ONECUT3: variants seen among roughly 807,000 people sequenced by gnomAD.
ONECUT3 encodes the protein one cut domain family member 3.
In ONECUT3, 11 loss-of-function variants were observed where a neutral mutation model predicts 16.8. The ratio of observed to expected loss-of-function variants is 0.66; its 90% CI spans 0.41 to 1.09. ONECUT3 has a LOEUF of 1.09. Ranked by LOEUF, ONECUT3 falls within the 50% of genes least tolerant of loss-of-function variation. ONECUT3 has a pLI of 0.00. For missense variants in ONECUT3, 637 were observed against 629.9 expected, an observed-to-expected ratio of 1.01 and a Z score of -0.12; for synonymous variants, 344 against 310.7, an observed-to-expected ratio of 1.11 and a Z score of -1.13.
chr19:1,770,239 A>G (rs2068041548), intron 1 of ONECUT3, among the ~76,000 whole-genome samples: 1 of 152,176 alleles, frequency 6.6e-6, no homozygotes, highest in Non-Finnish European at 1.5e-5. Flanking sequence ...CAAACAAACA[A>G]AAAACATATA....
In ONECUT3 at chr19:1,766,872, C is replaced by G. The variant is rs1389293273; in HGVS notation, c.1193-8281C>G. Among the ~76,000 whole-genome samples, 1 of 152,092 alleles carries G rather than the reference C, an allele frequency of 6.6e-6. No homozygotes were observed. The highest frequency in any genetic ancestry group is 1.5e-5 in the Non-Finnish European group (1 of 68,000). On this transcript the variant is annotated intron_variant, in intron 1 of 1. Transcript: ENST00000382349. The surrounding 1 kb of genome is among the most constrained non-coding windows in gnomAD (Gnocchi z 4.0). Reference sequence around the variant, plus strand: ...CCAGGAACATGTTAGTCACTGCACACTCACTCAGCCACTGCTATACCTCCG... The same window carrying G: ...CCAGGAACATGTTAGTCACTGCACAGTCACTCAGCCACTGCTATACCTCCG...
Position 1,754,830 on chromosome 19 carries a change from C to A in ONECUT3, c.1168C>A (p.Arg390Ser). ...GTGGCTGCAGGAGCCAGAGTTCCAG[C>A]GCATGTCGGCGCTGCGCTTGGCAGG... is the stretch of plus-strand genomic sequence containing the variant. ...WKWLQEPEFQ[R>S]MSALRLAACK... The change falls in exon 1 of 2, where the codon CGC becomes AGC. Residue 390 changes from arginine (R) to serine (S), a missense_variant. This residue lies in a region of ONECUT3 where 183 missense variants were observed against 188.3 expected (regional missense o/e 0.97). Transcript: ENST00000382349. This position sits in a 1 kb window ranked among gnomAD's most constrained non-coding sequence, Gnocchi z 7.4. The A allele has an allele frequency of 6.6e-7, 1 of 1,524,984 alleles. No individual in the cohort carries two copies. Among genetic ancestry groups the A allele is most frequent in the Non-Finnish European group, 8.8e-7 (1 of 1,134,418 alleles). 94.5% of individuals were successfully genotyped at this position (1,524,984 alleles called of 1,614,324 possible).
chr19:1,773,867 G>C (rs536950496), intron 1 of ONECUT3, among the ~76,000 whole-genome samples: 1 of 152,184 alleles, frequency 6.6e-6, no homozygotes, highest in African/African-American at 2.4e-5. Context: ...TGAGGGGAGG[G>C]GTTCACTTCG....
chr19:1,758,182 C>CA lies in ONECUT3; in HGVS notation c.1192+3332dup, dbSNP rs1387356708. ...GGAGAGAGAGGGAGGGGTCGCGAGA[C>CA]AAAACCAGAGAGTGGGGAGGGAGAG... On this transcript the variant is annotated intron_variant, in intron 1 of 1. Coordinates refer to ENST00000382349, the MANE Select transcript of ONECUT3 (RefSeq NM_001080488.2). This position sits in a 1 kb window ranked among gnomAD's most constrained non-coding sequence, Gnocchi z 5.9. Among the ~76,000 whole-genome samples, 1 of 150,346 alleles carries CA rather than the reference C, an allele frequency of 6.7e-6. No homozygotes were observed. Among genetic ancestry groups the CA allele is most frequent in the Non-Finnish European group, 1.5e-5 (1 of 67,794 alleles).
Position 1,777,441 on chromosome 19 carries a change from GACGCACACAGAGACACACATGC to G in ONECUT3, c.*1998_*2019del, listed in dbSNP as rs1332173958. 5 of 84,056 alleles carry G rather than the reference GACGCACACAGAGACACACATGC, an allele frequency of 5.9e-5. No homozygotes were observed. The highest frequency in any genetic ancestry group is 2.0e-4 in the African/African-American group (4 of 20,276). The allele number at this position is 84,056 out of a possible 1,614,324, so 5.2% of individuals were successfully genotyped here. A position where few individuals can be genotyped will look rare whatever the true frequency, so the allele number is the denominator to read the frequency against. Reference sequence around the variant, plus strand: ...AAAGACACGCATGCAGGCACACGCAGACGCACACAGAGACACACATGCAGATACACATGCACACACACATACA... The same window carrying G: ...AAAGACACGCATGCAGGCACACGCAGAGATACACATGCACACACACATACA... On this transcript the variant is annotated 3_prime_UTR_variant, in exon 2 of 2. Coordinates refer to ENST00000382349, the MANE Select transcript of ONECUT3 (RefSeq NM_001080488.2).
At position 1,775,655 on chromosome 19, in the gene ONECUT3, T is replaced by G; in HGVS notation, c.*210T>G. The G allele has an allele frequency of 2.3e-5, 9 of 397,652 alleles. No individual in the cohort carries two copies. Among genetic ancestry groups the G allele is most frequent in the Non-Finnish European group, 3.4e-5 (8 of 232,614 alleles). 24.6% of individuals were successfully genotyped at this position (397,652 alleles called of 1,614,324 possible). On this transcript the variant is annotated 3_prime_UTR_variant, in exon 2 of 2. Transcript: ENST00000382349. ...CCCCCCTTCCTCCCTCCATGCCCAC[T>G]CCCTCCAGGCCAAAGGAAGCCCTCC...
chr19:1,762,862 A>C lies in ONECUT3; in HGVS notation c.1192+8008A>C, dbSNP rs1475206926. Among the ~76,000 whole-genome samples, 1 of 152,102 alleles carries C rather than the reference A, an allele frequency of 6.6e-6. No homozygotes were observed. The highest frequency in any genetic ancestry group is 2.4e-5 in the African/African-American group (1 of 41,428). On this transcript the variant is annotated intron_variant, in intron 1 of 1. Coordinates refer to ENST00000382349, the MANE Select transcript of ONECUT3 (RefSeq NM_001080488.2). The surrounding 1 kb of genome is among the most constrained non-coding windows in gnomAD (Gnocchi z 4.4). ...CTCAGCTCCAGCGCAGTGGGAGGAC[A>C]AGACACGTTCCTCCTCCCCTCCTCC...
At position 1,776,303 on chromosome 19, in the gene ONECUT3, C is replaced by G. The variant is rs1340543976; in HGVS notation, c.*858C>G. 1 of 152,296 alleles carries G rather than the reference C, an allele frequency of 6.6e-6. No individual in the cohort carries two copies. Among genetic ancestry groups the G allele is most frequent in the Non-Finnish European group, 1.5e-5 (1 of 68,108 alleles). 9.4% of individuals were successfully genotyped at this position (152,296 alleles called of 1,614,324 possible). ...TGGAGCGCAAGGAAGGACGCAGCTC[C>G]GGACACGGGAGACCACGCCCAGGCT... On this transcript the variant is annotated 3_prime_UTR_variant, in exon 2 of 2. Transcript: ENST00000382349. This position sits in a 1 kb window ranked among gnomAD's most constrained non-coding sequence, Gnocchi z 4.9.
In ONECUT3 at chr19:1,777,355, C is replaced by T; in HGVS notation, c.*1910C>T. 6.6e-6 allele frequency: 1 copy of T among 151,984 alleles called. No homozygotes were observed. The highest frequency in any genetic ancestry group is 1.5e-5 in the Non-Finnish European group (1 of 67,910). The allele number at this position is 151,984 out of a possible 1,614,324, so 9.4% of individuals were successfully genotyped here. A position where few individuals can be genotyped will look rare whatever the true frequency, so the allele number is the denominator to read the frequency against. On this transcript the variant is annotated 3_prime_UTR_variant, in exon 2 of 2. Transcript: ENST00000382349. The stretch of plus-strand genomic sequence containing the variant: ...GCAGGCACTCACATGCAGGCCCATG[C>T]ACACACACGTGCACACACATGCAGA...
rs928890476 is a variant in ONECUT3 at position 1,756,793 on chromosome 19, C to G, written c.1192+1939C>G. On this transcript the variant is annotated intron_variant, in intron 1 of 1. Coordinates refer to ENST00000382349, the MANE Select transcript of ONECUT3 (RefSeq NM_001080488.2). ...AAACTCCTGACCTCAGGTGATCCGC[C>G]CGCTTCTGCCTCCCAAAGTGCTGGG... is the stretch of plus-strand genomic sequence containing the variant. 3.3e-4 allele frequency among the ~76,000 whole-genome samples: 50 copies of G among 150,692 alleles called. 1 individual carries two copies. Among genetic ancestry groups the G allele is most frequent in the African/African-American group, 1.2e-3 (49 of 40,822 alleles).
At position 1,754,271 on chromosome 19, in the gene ONECUT3, C is replaced by T; in HGVS notation, c.609C>T (p.Pro203=). ...TGGGGTCGCCGCTGTCGCCGCTGCC[C>T]AACGCGCTGCCGCCCGCGCTGCACG... ...PAMGSPLSPL[P]NALPPALHGA... Residue 203 remains proline, a synonymous_variant, in exon 1 of 2, where the codon CCC becomes CCT. Transcript: ENST00000382349. This position sits in a 1 kb window ranked among gnomAD's most constrained non-coding sequence, Gnocchi z 7.4. 9.4e-7 allele frequency: 1 copy of T among 1,061,386 alleles called. No individual in the cohort carries two copies. The highest frequency in any genetic ancestry group is 1.1e-6 in the Non-Finnish European group (1 of 882,606). The allele number at this position is 1,061,386 out of a possible 1,614,324, so 65.7% of individuals were successfully genotyped here.
chr19:1,754,777 G>C lies in ONECUT3; in HGVS notation c.1115G>C (p.Gly372Ala), dbSNP rs2067907880. ...AAGCCGTGGAGCAAGCTCAAATCCG[G>C]CCGCGAGACCTTCCGCAGGATGTGG... The part of the protein sequence containing the change: ...NPKPWSKLKS[G>A]RETFRRMWKW... The change falls in exon 1 of 2, where the codon GGC becomes GCC. Residue 372 changes from glycine (G) to alanine (A), a missense_variant. By Grantham distance (60) the Gly-to-Ala change is moderately conservative. Coordinates refer to ENST00000382349, the MANE Select transcript of ONECUT3 (RefSeq NM_001080488.2). This position sits in a 1 kb window ranked among gnomAD's most constrained non-coding sequence, Gnocchi z 7.4. 1 of 1,565,744 alleles carries C rather than the reference G, an allele frequency of 6.4e-7. No individual in the cohort carries two copies. The highest frequency in any genetic ancestry group is 1.8e-5 in the Admixed American group (1 of 54,676).
intron 1 of ONECUT3, among the ~76,000 whole-genome samples, chr19:1,760,760 C>T (rs1179990708): frequency 2.0e-5 from 3 of 152,262 alleles, no homozygotes; most frequent in South Asian, 4.1e-4. Context: ...CAACGCCAGC[C>T]TCGGTCCCAA....
chr19:1,756,942 C>T (rs1220049944), intron 1 of ONECUT3, among the ~76,000 whole-genome samples: 1 of 152,210 alleles, frequency 6.6e-6, no homozygotes, highest in Non-Finnish European at 1.5e-5. Context: ...CCTGCCTCCT[C>T]TCTAGCACAT....
chr19:1,768,443 G>A (rs1378732627), intron 1 of ONECUT3, among the ~76,000 whole-genome samples: 1 of 152,138 alleles, frequency 6.6e-6, no homozygotes, highest in African/African-American at 2.4e-5. Flanking sequence ...GGAAGGACTG[G>A]CCTGCACCGG....
Position 1,775,410 on chromosome 19 carries a change from C to T in ONECUT3, c.1450C>T (p.Pro484Ser). 6.5e-7 allele frequency: 1 copy of T among 1,529,084 alleles called. No individual in the cohort carries two copies. The highest frequency in any genetic ancestry group is 2.6e-5 in the East Asian group (1 of 38,994). 94.7% of individuals were successfully genotyped at this position (1,529,084 alleles called of 1,614,324 possible). A position where few individuals can be genotyped will look rare whatever the true frequency, so the allele number is the denominator to read the frequency against. The change falls in exon 2 of 2, where the codon CCC becomes TCC. Residue 484 changes from proline (P) to serine (S), a missense_variant. By Grantham distance (74) the Pro-to-Ser change is moderately conservative (BLOSUM62 -1). Transcript: ENST00000382349. ...GGAGCCCAGCACGGCCCCCGGGGGC[C>T]CCGCCGGCGCCACGGCCACTTTCTC... ...AEEPSTAPGG[P>S]AGATATFSKA is the part of the protein sequence containing the mutation.
rs533085140 is a variant in ONECUT3 at position 1,754,043 on chromosome 19, C to T, written c.381C>T (p.His127=). The change falls in exon 1 of 2, where the codon CAC becomes CAT. Residue 127 remains histidine (H), a synonymous_variant. Transcript: ENST00000382349. This position sits in a 1 kb window ranked among gnomAD's most constrained non-coding sequence, Gnocchi z 7.4. The stretch of plus-strand genomic sequence containing the variant: ...CCGTGGCCGACAAGTTCCACCAGCA[C>T]GCGGCGGCCGCGGCCGTGGCCGGGG... ...LAAVADKFHQ[H]AAAAAVAGAH... is the part of the protein sequence containing the mutation. 6 of 991,360 alleles carry T rather than the reference C, an allele frequency of 6.1e-6. No individual in the cohort carries two copies. Among genetic ancestry groups the T allele is most frequent in the South Asian group, 4.5e-5 (1 of 22,224 alleles). The allele number at this position is 991,360 out of a possible 1,614,324, so 61.4% of individuals were successfully genotyped here. A position where few individuals can be genotyped will look rare whatever the true frequency, so the allele number is the denominator to read the frequency against.
chr19:1,754,694 C>T lies in ONECUT3; in HGVS notation c.1032C>T (p.Phe344=). 1 of 1,535,466 alleles carries T rather than the reference C, an allele frequency of 6.5e-7. No homozygotes were observed. ...LKRYSIPQAI[F]AQRILCRSQG... ...GCTACAGCATCCCGCAGGCAATCTT[C>T]GCGCAGCGGATCCTGTGTCGCTCTC... The change falls in exon 1 of 2, where the codon TTC becomes TTT. Residue 344 remains phenylalanine (F), a synonymous_variant. Coordinates refer to ENST00000382349, the MANE Select transcript of ONECUT3 (RefSeq NM_001080488.2). The surrounding 1 kb of genome is among the most constrained non-coding windows in gnomAD (Gnocchi z 7.4).
At chr19:1,757,233 G>A (rs2067921226) in intron 1 of ONECUT3, among the ~76,000 whole-genome samples, 1 of 152,216 alleles carries the variant, frequency 6.6e-6, no homozygotes, top group African/African-American at 2.4e-5. Flanking sequence ...CACCCAGGTG[G>A]GTGTTCGCTC....
Sources: allele counts gnomAD v4.1 joint callset (sites outside exome capture counted in the v4.1 genomes callset), GRCh38; gene constraint gnomAD v4.1.1; regional missense constraint gnomAD v4.1.1; non-coding constraint Gnocchi (gnomAD v3.1); transcripts MANE v1.5; gene names NCBI Gene and HGNC (gene_info 2026-07-23, HGNC 2026-07-21).